PHF7: variants seen among roughly 807,000 people sequenced by gnomAD.
PHF7 encodes the protein PHD finger protein 7.
Under a neutral mutation model 47.5 loss-of-function variants are expected in PHF7, and 24 were observed. The ratio of observed to expected loss-of-function variants is 0.51; its 90% confidence interval spans 0.37 to 0.71. The LOEUF (loss-of-function observed/expected upper bound fraction) is 0.71. PHF7 is among the 30% of genes least tolerant of loss of function. The pLI, the probability that PHF7 is intolerant of heterozygous loss-of-function variation, is 0.00. For missense variants in PHF7, 361 were observed against 456.8 expected (o/e 0.79, Z 1.91); for synonymous variants, 156 against 153.8 (o/e 1.01, Z -0.11).
Position 52,422,252 on chromosome 3 carries a change from T to C in PHF7, c.711T>C (p.Ala237=). The C allele has an allele frequency of 6.2e-7, 1 of 1,613,900 alleles. No homozygotes were observed. ...CTGCCTGGGAACTCGAGCCAGGGGCTTTCTCAGACTTATATCAGCGCTATC... is the reference window on the plus strand; with the variant it reads ...CTGCCTGGGAACTCGAGCCAGGGGCCTTCTCAGACTTATATCAGCGCTATC... ...RDAAWELEPG[A]FSDLYQRYQH... is the part of the protein sequence containing the mutation. The change falls in exon 9 of 11, where the codon GCT becomes GCC. Residue 237 remains alanine (A), a synonymous_variant. Transcript: ENST00000327906.
At chr3:52,413,061 T>C in intron 2 of PHF7, 141 bp downstream of exon 2, 2 of 674,070 alleles carry the variant, frequency 3.0e-6, no homozygotes, top group Non-Finnish European at 5.3e-6. Flanking sequence ...GGAGCTGTCA[T>C]ACCTGTCTTA....
In PHF7 at chr3:52,422,262, T is replaced by C. The variant is rs773809065; in HGVS notation, c.721T>C (p.Leu241=). The part of the protein sequence containing the change: ...WELEPGAFSD[L]YQRYQHCDAP... ...ACTCGAGCCAGGGGCTTTCTCAGAC[T>C]TATATCAGCGCTATCAGCACTGTGA... The change falls in exon 9 of 11, where the codon TTA becomes CTA. Residue 241 remains leucine (L), a synonymous_variant. Coordinates refer to ENST00000327906, the MANE Select transcript of PHF7 (RefSeq NM_016483.7). 3 of 1,614,092 alleles carry C rather than the reference T, an allele frequency of 1.9e-6. No individual in the cohort carries two copies. In the South Asian group the frequency reaches 3.3e-5, roughly 18 times the overall value.
intron 4 of PHF7, among the ~76,000 whole-genome samples, chr3:52,415,002 A>G (rs1053984208): frequency 6.6e-6 from 1 of 152,158 alleles, no homozygotes; most frequent in South Asian, 2.1e-4. Context: ...CCTCAAAAAA[A>G]GAAAAATATA....
chr3:52,422,293 C>G lies in PHF7; in HGVS notation c.752C>G (p.Pro251Arg). The change falls in exon 9 of 11, where the codon CCC becomes CGC. Residue 251 changes from proline (P) to arginine (R), a missense_variant. By Grantham distance (103) the Pro-to-Arg change is moderately radical. Transcript: ENST00000327906. ...CAGCGCTATCAGCACTGTGATGCCCCCATCTGTCTGTATGAACAAGGCAGA... is the reference window on the plus strand; with the variant it reads ...CAGCGCTATCAGCACTGTGATGCCCGCATCTGTCTGTATGAACAAGGCAGA... ...LYQRYQHCDA[P>R]ICLYEQGRDS... The G allele has an allele frequency of 6.2e-7, 1 of 1,613,988 alleles. No individual in the cohort carries two copies. Among genetic ancestry groups the G allele is most frequent in the Non-Finnish European group, 8.5e-7 (1 of 1,179,822 alleles).
In PHF7 at chr3:52,421,516, C is replaced by T. The variant is rs965860560; in HGVS notation, c.574-132C>T. ...TGGATTTGCAGCCCTCACCCTAGCCCACCCAAACTCCTTTTCCTGTACCCT... is the reference window on the plus strand; with the variant it reads ...TGGATTTGCAGCCCTCACCCTAGCCTACCCAAACTCCTTTTCCTGTACCCT... On this transcript the variant is annotated intron_variant, in intron 7 of 10. Coordinates refer to ENST00000327906, the MANE Select transcript of PHF7 (RefSeq NM_016483.7). The T allele has an allele frequency of 5.0e-5, 33 of 664,630 alleles. No homozygotes were observed. The East Asian group carries it at 7.5e-4, about 15-fold the overall frequency. The allele number at this position is 664,630 out of a possible 1,614,324, so 41.2% of individuals were successfully genotyped here.
chr3:52,420,419 T>A lies in PHF7; in HGVS notation c.397T>A (p.Phe133Ile), dbSNP rs1705751580. ...CGQERGCLSQFFGEYKSFCDK... is the reference protein window; with the variant it reads ...CGQERGCLSQIFGEYKSFCDK... The stretch of plus-strand genomic sequence containing the variant: ...CCAAGAAAGGGGTTGCCTTTCACAA[T>A]TTTTTGGAGAGTACAAGTGAGTGAG... Residue 133 changes from phenylalanine (F) to isoleucine (I), a missense_variant, in exon 6 of 11, where the codon TTT (phenylalanine) becomes ATT (isoleucine). Coordinates refer to ENST00000327906, the MANE Select transcript of PHF7 (RefSeq NM_016483.7). The A allele has an allele frequency of 6.2e-7, 1 of 1,614,066 alleles. No homozygotes were observed. Among genetic ancestry groups the A allele is most frequent in the East Asian group, 2.2e-5 (1 of 44,886 alleles).
chr3:52,421,031 G>A lies in PHF7; in HGVS notation c.542G>A (p.Ser181Asn), dbSNP rs1705773207. 1 of 1,612,808 alleles carries A rather than the reference G, an allele frequency of 6.2e-7. No individual in the cohort carries two copies. The highest frequency in any genetic ancestry group is 1.3e-5 in the African/African-American group (1 of 74,800). The change falls in exon 7 of 11, where the codon AGT becomes AAT. Residue 181 changes from serine to asparagine, a missense_variant. Transcript: ENST00000327906. The part of the protein sequence containing the change: ...SVENIQSPCC[S>N]QAIYHRKCIQ... ...GAGAACATCCAGAGCCCGTGTTGTA[G>A]TCAAGCCATCTACCACCGCAAGTGC...
At position 52,420,361 on chromosome 3, in the gene PHF7, T is replaced by C. The variant is rs201993351; in HGVS notation, c.339T>C (p.Asp113=). Residue 113 remains aspartate (D), a synonymous_variant, in exon 6 of 11, where the codon GAT becomes GAC. Coordinates refer to ENST00000327906, the MANE Select transcript of PHF7 (RefSeq NM_016483.7). ...GAGCTGCTATCAACTGCCAGAAGGA[T>C]CAGTGCCTCAGAAACTTCCATCTGC... The part of the protein sequence containing the change: ...KKGAAINCQK[D]QCLRNFHLPC... 206 of 1,613,700 alleles carry C rather than the reference T, an allele frequency of 1.3e-4. No homozygotes were observed. Among genetic ancestry groups the C allele is most frequent in the Non-Finnish European group, 1.6e-4 (183 of 1,179,678 alleles).
chr3:52,417,959 T>C (rs534399745), intron 4 of PHF7, among the ~76,000 whole-genome samples: 35 of 152,360 alleles, frequency 2.3e-4, no homozygotes, highest in African/African-American at 7.9e-4. Flanking sequence ...TATTCATATA[T>C]AGTTTGCCCA....
At chr3:52,418,639 G>A (rs938785598) in intron 4 of PHF7, among the ~76,000 whole-genome samples, 4 of 152,068 alleles carry the variant, frequency 2.6e-5, no homozygotes, top group African/African-American at 9.7e-5. Flanking sequence ...TGTACTAAGA[G>A]GTGATGCAGC....
intron 9 of PHF7, 51 bp from the exon 10 acceptor site, chr3:52,422,709 G>C: frequency 6.2e-7 from 1 of 1,606,250 alleles, no homozygotes; most frequent in Non-Finnish European, 8.5e-7. Flanking sequence ...TCCAAGCATG[G>C]CAGTTGGTGT....
chr3:52,420,068 A>AG, intron 5 of PHF7, 134 bp downstream of exon 5: 1 of 721,936 alleles, frequency 1.4e-6, no homozygotes, highest in South Asian at 1.7e-5. Flanking sequence ...CTAGTCCTTA[A>AG]GTCCCATATT....
chr3:52,422,019 T>C, intron 8 of PHF7: 1 of 606,690 alleles, frequency 1.6e-6, no homozygotes, highest in Admixed American at 2.9e-5. Context: ...AGAGTGGAAC[T>C]AAGGAACCTG....
intron 1 of PHF7, among the ~76,000 whole-genome samples, chr3:52,411,690 G>C (rs549297954): frequency 1.2e-3 from 184 of 152,312 alleles, no homozygotes; most frequent in African/African-American, 4.1e-3. Flanking sequence ...CACAGCGGTG[G>C]ATTTTCTTTC....
rs1297461688 is a variant in PHF7 at position 52,411,104 on chromosome 3, G to C, written c.-213G>C. 3 of 152,258 alleles carry C rather than the reference G, an allele frequency of 2.0e-5. No individual in the cohort carries two copies. The highest frequency in any genetic ancestry group is 4.4e-5 in the Non-Finnish European group (3 of 68,060). The allele number at this position is 152,258 out of a possible 1,614,324, so 9.4% of individuals were successfully genotyped here. ...GCGTCCGCCGGGTTAGGAAGCCACT[G>C]CCTGGCAGCTTGTGGAAGCCTCATT... On this transcript the variant is annotated 5_prime_UTR_variant, in exon 1 of 11. Transcript: ENST00000327906.
chr3:52,412,995 C>T lies in PHF7; in HGVS notation c.41+75C>T. 2.6e-6 allele frequency: 3 copies of T among 1,149,998 alleles called. No individual in the cohort carries two copies. The South Asian group carries it at 3.7e-5, about 14-fold the overall frequency. 71.2% of individuals were successfully genotyped at this position (1,149,998 alleles called of 1,614,324 possible). A position where few individuals can be genotyped will look rare whatever the true frequency, so the allele number is the denominator to read the frequency against. On this transcript the variant is annotated intron_variant, in intron 2 of 10. Coordinates refer to ENST00000327906, the MANE Select transcript of PHF7 (RefSeq NM_016483.7). Reference sequence around the variant, plus strand: ...TGGTATAGGCTGCACTTTTTGCCCCCTTTGTCGTAGTCTTGGGGGTTGAGG... The same window carrying T: ...TGGTATAGGCTGCACTTTTTGCCCCTTTTGTCGTAGTCTTGGGGGTTGAGG...
chr3:52,412,905 A>C lies in PHF7; in HGVS notation c.26A>C (p.Glu9Ala). The change falls in exon 2 of 11, where the codon GAA (glutamate) becomes GCA (alanine). Residue 9 changes from glutamate to alanine, a missense_variant. By Grantham distance (107) the Glu-to-Ala change is moderately radical. Coordinates refer to ENST00000327906, the MANE Select transcript of PHF7 (RefSeq NM_016483.7). ...ATGAAGACTGTAAAAGAAAAGAAGG[A>C]ATGCCAGAGATTGAGGTAGAAGTAG... MKTVKEKK[E>A]CQRLRKSAKT... 2 of 1,610,684 alleles carry C rather than the reference A, an allele frequency of 1.2e-6. No individual in the cohort carries two copies. Among genetic ancestry groups the C allele is most frequent in the South Asian group, 2.2e-5 (2 of 90,942 alleles).
intron 6 of PHF7, among the ~76,000 whole-genome samples, chr3:52,420,693 A>G (rs1705760210): frequency 6.6e-6 from 1 of 152,176 alleles, no homozygotes; most frequent in Non-Finnish European, 1.5e-5. Context: ...TTCAGGAACG[A>G]GAGGCTATGG....
chr3:52,420,848 A>G, intron 6 of PHF7, 55 bp from the exon 7 acceptor site: 2 of 1,544,582 alleles, frequency 1.3e-6, no homozygotes, highest in South Asian at 1.2e-5. Context: ...AGAGCGGGCC[A>G]TTGGGAAACT....
Sources: allele counts gnomAD v4.1 joint callset (sites outside exome capture counted in the v4.1 genomes callset), GRCh38; gene constraint gnomAD v4.1.1; transcripts MANE v1.5; gene names NCBI Gene and HGNC (gene_info 2026-07-23, HGNC 2026-07-21).